CADPS2: variants seen among roughly 807,000 people sequenced by gnomAD.
CADPS2 encodes the protein calcium dependent secretion activator 2.
In CADPS2, 93 loss-of-function variants were observed where a neutral mutation model predicts 172.5. That is an observed-to-expected ratio of 0.54 (90% CI 0.46 to 0.64). The LOEUF is 0.64. CADPS2 is among the 30% of genes least tolerant of loss of function. The pLI is 0.00. For synonymous variants in CADPS2, 546 were observed against 555.2 expected (o/e 0.98, Z 0.23); for missense variants, 1,420 against 1,565.9 (o/e 0.91, Z 1.57).
intron 1 of CADPS2, among the ~76,000 whole-genome samples, chr7:122,836,920 A>G (rs1808643458): frequency 6.6e-6 from 1 of 152,192 alleles, no homozygotes; most frequent in Non-Finnish European, 1.5e-5. Flanking sequence ...GCTCTGCACC[A>G]AGCGGACCTA....
At position 122,430,256 on chromosome 7, in the gene CADPS2, T is replaced by C. The variant is rs572175329; in HGVS notation, c.2476+8085A>G. Among the ~76,000 whole-genome samples the C allele has an allele frequency of 3.9e-5, 6 of 152,310 alleles. No individual in the cohort carries two copies. In the South Asian group the frequency reaches 1.2e-3, roughly 32 times the overall value. On this transcript the variant is annotated intron_variant, in intron 17 of 29. Coordinates refer to ENST00000449022, the MANE Select transcript of CADPS2 (RefSeq NM_017954.11). Reference sequence around the variant, plus strand: ...CACATTTCTAGGTTCACCATAAGCCTAGGTACCAAGTCTATGCAAAAGATC... The same window carrying C: ...CACATTTCTAGGTTCACCATAAGCCCAGGTACCAAGTCTATGCAAAAGATC...
intron 1 of CADPS2, among the ~76,000 whole-genome samples, chr7:122,816,963 C>T (rs969547351): frequency 1.3e-5 from 2 of 151,536 alleles, no homozygotes; most frequent in African/African-American, 4.9e-5. Context: ...AGCACCCCCA[C>T]TGAACACCTT....
At chr7:122,734,991 T>C (rs2092043594) in intron 2 of CADPS2, among the ~76,000 whole-genome samples, 1 of 152,124 alleles carries the variant, frequency 6.6e-6, no homozygotes, top group African/African-American at 2.4e-5. Flanking sequence ...TCCTAGCAGG[T>C]AGTCATTTAA....
intron 1 of CADPS2, among the ~76,000 whole-genome samples, chr7:122,831,291 A>G (rs1286111539): frequency 6.6e-6 from 1 of 152,224 alleles, no homozygotes; most frequent in Non-Finnish European, 1.5e-5. Context: ...CTCAAGCAAC[A>G]AAATGACTGT....
chr7:122,515,400 G>T (rs944952965), intron 8 of CADPS2, among the ~76,000 whole-genome samples: 1 of 151,914 alleles, frequency 6.6e-6, no homozygotes, highest in African/African-American at 2.4e-5. Context: ...GTCTTTCTCT[G>T]CAATTTCCTG....
At chr7:122,676,916 T>C (rs2082433975) in intron 2 of CADPS2, 3 of 445,472 alleles carry the variant, frequency 6.7e-6, no homozygotes, top group Non-Finnish European at 1.2e-5. Flanking sequence ...TGCCAGGCTT[T>C]TTATCCATCC....
chr7:122,847,597 ATT>A (rs35101326), intron 1 of CADPS2, among the ~76,000 whole-genome samples: 1 of 149,922 alleles, frequency 6.7e-6, no homozygotes, highest in African/African-American at 2.4e-5. Flanking sequence ...AGCTACTTAG[ATT>A]TTTTTTTTTC....
rs765744527 is a variant in CADPS2 at position 122,804,702 on chromosome 7, C to CA, written c.340-67635dup. ...CAGGACCCAATGCATCATAAAGGGT[C>CA]AGTGTTCCTATATCAAATGATGCTG... On this transcript the variant is annotated intron_variant, in intron 1 of 29. Coordinates refer to ENST00000449022, the MANE Select transcript of CADPS2 (RefSeq NM_017954.11). Among the ~76,000 whole-genome samples the CA allele has an allele frequency of 1.3e-4, 20 of 152,144 alleles. 1 individual carries two copies. The highest frequency in any genetic ancestry group is 2.2e-4 in the Non-Finnish European group (15 of 68,030).
chr7:122,782,466 C>G (rs545749145), intron 1 of CADPS2, among the ~76,000 whole-genome samples: 2 of 152,172 alleles, frequency 1.3e-5, no homozygotes, highest in South Asian at 4.2e-4. Context: ...CAAAAATTAG[C>G]ACGGTGTAGT....
chr7:122,570,487 G>C (rs1156995402), intron 7 of CADPS2, among the ~76,000 whole-genome samples: 1 of 147,450 alleles, frequency 6.8e-6, no homozygotes, highest in Admixed American at 6.8e-5. Flanking sequence ...ATTCCTCAGG[G>C]ATCTAGAACT....
chr7:122,691,978 C>T (rs982872300), intron 2 of CADPS2, among the ~76,000 whole-genome samples: 3 of 152,136 alleles, frequency 2.0e-5, no homozygotes, highest in African/African-American at 7.2e-5. Flanking sequence ...GAAATTTATC[C>T]GGGTTCAGAG....
At chr7:122,338,763 A>G (rs939708669) in intron 28 of CADPS2, among the ~76,000 whole-genome samples, 2 of 152,060 alleles carry the variant, frequency 1.3e-5, no homozygotes, top group African/African-American at 4.8e-5. Context: ...ATAAGAAAGC[A>G]TCCCATTTTT....
At chr7:122,531,962 C>T (rs542601348) in intron 8 of CADPS2, among the ~76,000 whole-genome samples, 15 of 150,732 alleles carry the variant, frequency 1.0e-4, no homozygotes, top group African/African-American at 3.7e-4. Context: ...GCCCAGGAGG[C>T]GGAGGTTGCA....
chr7:122,487,377 C>G (rs2057925750), intron 11 of CADPS2, among the ~76,000 whole-genome samples: 1 of 152,048 alleles, frequency 6.6e-6, no homozygotes, highest in Non-Finnish European at 1.5e-5. Flanking sequence ...AGATATTCAT[C>G]TTATTGCAGT....
chr7:122,861,884 C>A (rs1817045316), intron 1 of CADPS2, among the ~76,000 whole-genome samples: 1 of 152,176 alleles, frequency 6.6e-6, no homozygotes, highest in Non-Finnish European at 1.5e-5. Context: ...ACACTAGAAG[C>A]TAGAAGATAG....
intron 2 of CADPS2, among the ~76,000 whole-genome samples, chr7:122,682,177 C>A (rs764039208): frequency 2.0e-5 from 3 of 152,232 alleles, no homozygotes; most frequent in Admixed American, 6.5e-5. Flanking sequence ...AAGATCACTG[C>A]ACCCTACCTG....
chr7:122,808,831 T>C (rs1364505038), intron 1 of CADPS2, among the ~76,000 whole-genome samples: 4 of 152,214 alleles, frequency 2.6e-5, no homozygotes, highest in Admixed American at 1.3e-4. Flanking sequence ...TCTACAGATT[T>C]TCAGTACAAA....
chr7:122,408,054 T>C (rs1285040899), intron 19 of CADPS2, among the ~76,000 whole-genome samples: 3 of 152,042 alleles, frequency 2.0e-5, no homozygotes, highest in Non-Finnish European at 4.4e-5. Context: ...TGTATTTACT[T>C]CCAATATTTC....
In CADPS2 at chr7:122,663,300, T is replaced by C; in HGVS notation, c.723A>G (p.Glu241=). ...TAATACCCAGAATCTGCTGAAACAT[T>C]TCATAGAGTTGTTCCTTGCTCAGAA... The part of the protein sequence containing the change: ...ELILSKEQLY[E]MFQQILGIKK... The change falls in exon 3 of 30, where the codon GAA becomes GAG. Residue 241 remains glutamate (E), a synonymous_variant. Transcript: ENST00000449022. The C allele has an allele frequency of 6.2e-7, 1 of 1,613,932 alleles. No homozygotes were observed. The highest frequency in any genetic ancestry group is 1.1e-5 in the South Asian group (1 of 91,076).
Sources: gnomAD v4.1 joint callset for allele counts (sites outside exome capture counted in the v4.1 genomes callset) on GRCh38, gnomAD v4.1.1 for gene constraint, MANE v1.5 for transcripts, NCBI Gene and HGNC (gene_info 2026-07-23, HGNC 2026-07-21) for gene names.